PARD6G: variants seen among roughly 807,000 people sequenced by gnomAD.
PARD6G encodes the protein partitioning defective 6 homolog gamma.
PARD6G carries 7 observed loss-of-function variants against 10.7 expected under a neutral mutation model. The ratio of observed to expected loss-of-function variants is 0.66; its 90% CI spans 0.37 to 1.23. The LOEUF is 1.23. Among genes scored for constraint, PARD6G ranks in the 50% most tolerant of loss-of-function variants. The probability of loss-of-function intolerance (pLI) is 0.02; values close to 1 mark genes in which losing one functional copy is unlikely to be tolerated. For synonymous variants in PARD6G, 287 were observed against 269.4 expected (o/e 1.07, Z -0.64); for missense variants, 548 against 571.8 (o/e 0.96, Z 0.42).
At chr18:80,197,108 C>T (rs528504136) in intron 2 of PARD6G, among the ~76,000 whole-genome samples, 39 of 152,198 alleles carry the variant, frequency 2.6e-4, no homozygotes, top group Non-Finnish European at 4.3e-4. Flanking sequence ...AACCTCAAGC[C>T]CCTAGGCGGT....
At chr18:80,226,940 G>T (rs1967299165) in intron 1 of PARD6G, among the ~76,000 whole-genome samples, 1 of 152,148 alleles carries the variant, frequency 6.6e-6, no homozygotes, top group South Asian at 2.1e-4. Context: ...CTGAATTAAT[G>T]AATTAAACCT....
chr18:80,205,968 C>CAGCT (rs1967050297), intron 1 of PARD6G, among the ~76,000 whole-genome samples: 1 of 152,208 alleles, frequency 6.6e-6, no homozygotes, highest in Admixed American at 6.5e-5. Context: ...CAAAGGGATA[C>CAGCT]AGCTCACTTT....
In PARD6G at chr18:80,226,788, T is replaced by C. The variant is rs1020693218; in HGVS notation, c.72+20489A>G. Among the ~76,000 whole-genome samples, 3 of 152,060 alleles carry C rather than the reference T, an allele frequency of 2.0e-5. No individual in the cohort carries two copies. The East Asian group carries it at 5.8e-4, about 29-fold the overall frequency. ...GAAGACCCAGGCATTAATTTATCAG[T>C]CAAAATTTGCTGAGGAGCAGGTCAC... is the stretch of plus-strand genomic sequence containing the variant. On this transcript the variant is annotated intron_variant, in intron 1 of 2. Transcript: ENST00000353265.
rs796125533 is a variant in PARD6G at position 80,184,969 on chromosome 18, C to T, written c.295+17741G>A. 5 of 152,340 alleles carry T rather than the reference C, an allele frequency of 3.3e-5. No homozygotes were observed. In the South Asian group the frequency reaches 8.3e-4, roughly 25 times the overall value. 9.4% of individuals were successfully genotyped at this position (152,340 alleles called of 1,614,324 possible). On this transcript the variant is annotated intron_variant, in intron 2 of 2. Coordinates refer to ENST00000353265, the MANE Select transcript of PARD6G (RefSeq NM_032510.4). This position sits in a 1 kb window ranked among gnomAD's most constrained non-coding sequence, Gnocchi z 4.5. ...AAGCTAAAAAATAAGGTGGCTCCTT[C>T]CAGCTTTGCGGGAACCTAACTGCTA...
rs528734447 is a variant in PARD6G at position 80,160,801 on chromosome 18, T to A, written c.296-195A>T. Among the ~76,000 whole-genome samples, 57 of 152,156 alleles carry A rather than the reference T, an allele frequency of 3.7e-4. No individual in the cohort carries two copies. In the South Asian group the frequency reaches 4.4e-3, roughly 12 times the overall value. ...GCCCCTAAAATTAACTCTCTAGCAC[T>A]CTCCTTACAGCTCCACAGGCACCAA... On this transcript the variant is annotated intron_variant, in intron 2 of 2. Coordinates refer to ENST00000353265, the MANE Select transcript of PARD6G (RefSeq NM_032510.4).
chr18:80,187,850 G>T (rs2052888530), intron 2 of PARD6G: 1 of 152,200 alleles, frequency 6.6e-6, no homozygotes, highest in Non-Finnish European at 1.5e-5. Context: ...CTCACTGGAT[G>T]CCCAGGCTAC....
intron 2 of PARD6G, among the ~76,000 whole-genome samples, chr18:80,168,203 C>G (rs1424414549): frequency 6.6e-6 from 1 of 152,198 alleles, no homozygotes; most frequent in African/African-American, 2.4e-5. Flanking sequence ...CTCAGCCTGT[C>G]TGCAGTGGGA....
At chr18:80,214,004 G>T (rs1227515697) in intron 1 of PARD6G, among the ~76,000 whole-genome samples, 1 of 150,342 alleles carries the variant, frequency 6.7e-6, no homozygotes, top group Non-Finnish European at 1.5e-5. Context: ...CAAAGAAACT[G>T]AAATAAAAAG....
chr18:80,239,231 G>A (rs1967462664), intron 1 of PARD6G, among the ~76,000 whole-genome samples: 1 of 150,370 alleles, frequency 6.7e-6, no homozygotes. Flanking sequence ...GGGGGTCGAA[G>A]GTACCTGATG....
Position 80,160,578 on chromosome 18 carries a change from C to T in PARD6G, c.324G>A (p.Ala108=). 4.8e-6 allele frequency: 7 copies of T among 1,457,748 alleles called. No individual in the cohort carries two copies. Among genetic ancestry groups the T allele is most frequent in the Non-Finnish European group, 3.6e-6 (4 of 1,108,692 alleles). 90.3% of individuals were successfully genotyped at this position (1,457,748 alleles called of 1,614,324 possible). The change falls in exon 3 of 3, where the codon GCG becomes GCA. Residue 108 remains alanine (A), a synonymous_variant. Coordinates refer to ENST00000353265, the MANE Select transcript of PARD6G (RefSeq NM_032510.4). ...REEAERGSLG[A]GSLCRRRRAL... ...CCCGCCTCCGCCTGCACAGCGAGCCCGCGCCGAGGCTGCCACGCTCGGCCT... is the reference window on the plus strand; with the variant it reads ...CCCGCCTCCGCCTGCACAGCGAGCCTGCGCCGAGGCTGCCACGCTCGGCCT...
intron 1 of PARD6G, among the ~76,000 whole-genome samples, chr18:80,245,556 C>T (rs1009585107): frequency 6.6e-6 from 1 of 152,148 alleles, no homozygotes; most frequent in Non-Finnish European, 1.5e-5. Flanking sequence ...ACACGAGATG[C>T]CACCATCAGG....
intron 1 of PARD6G, among the ~76,000 whole-genome samples, chr18:80,220,722 T>A (rs1295862765): frequency 2.6e-5 from 4 of 152,060 alleles, no homozygotes; most frequent in African/African-American, 9.7e-5. Flanking sequence ...GTGATTCTCA[T>A]GCCTCAGCCT....
intron 1 of PARD6G, among the ~76,000 whole-genome samples, chr18:80,205,161 G>A (rs1967043670): frequency 6.6e-6 from 1 of 152,110 alleles, no homozygotes; most frequent in Non-Finnish European, 1.5e-5. Flanking sequence ...TGTCAGAAGT[G>A]CAGAGCAGAG....
intron 2 of PARD6G, among the ~76,000 whole-genome samples, chr18:80,195,115 T>G (rs1966938881): frequency 6.6e-6 from 1 of 152,292 alleles, no homozygotes; most frequent in African/African-American, 2.4e-5. Flanking sequence ...GCCTCCACGC[T>G]TGGCCTCAGT....
rs1188396825 is a variant in PARD6G at position 80,181,075 on chromosome 18, T to C, written c.296-20469A>G. 6.6e-6 allele frequency among the ~76,000 whole-genome samples: 1 copy of C among 152,074 alleles called. No homozygotes were observed. The highest frequency in any genetic ancestry group is 1.9e-4 in the East Asian group (1 of 5,180). On this transcript the variant is annotated intron_variant, in intron 2 of 2. Transcript: ENST00000353265. This position sits in a 1 kb window ranked among gnomAD's most constrained non-coding sequence, Gnocchi z 7.9. ...TCAAAGGTCTGAACCTCACGCGCGA[T>C]CTCGACATTAGAACATGGGCTGCGA...
chr18:80,242,927 A>G (rs1373732508), intron 1 of PARD6G, among the ~76,000 whole-genome samples: 1 of 152,202 alleles, frequency 6.6e-6, no homozygotes, highest in Non-Finnish European at 1.5e-5. Context: ...GGAGAAAGAA[A>G]CAGATGAATG....
Position 80,247,219 on chromosome 18 carries a change from C to A in PARD6G, c.72+58G>T. On this transcript the variant is annotated intron_variant, in intron 1 of 2. Transcript: ENST00000353265. This position sits in a 1 kb window ranked among gnomAD's most constrained non-coding sequence, Gnocchi z 4.2. ...CGCCCCAGTCCCCCTCCGCGGGGCG[C>A]CCCATTCATTAGCCAGGAGACTGGG... The A allele has an allele frequency of 7.1e-7, 1 of 1,401,132 alleles. No homozygotes were observed. Among genetic ancestry groups the A allele is most frequent in the Non-Finnish European group, 9.8e-7 (1 of 1,024,544 alleles). 86.8% of individuals were successfully genotyped at this position (1,401,132 alleles called of 1,614,324 possible). A position where few individuals can be genotyped will look rare whatever the true frequency, so the allele number is the denominator to read the frequency against.
At chr18:80,229,288 T>G (rs1029443242) in intron 1 of PARD6G, among the ~76,000 whole-genome samples, 3 of 152,198 alleles carry the variant, frequency 2.0e-5, no homozygotes, top group Non-Finnish European at 4.4e-5. Context: ...CTTTACAATA[T>G]AGTAAATTTA....
At chr18:80,245,239 C>T (rs1434503242) in intron 1 of PARD6G, among the ~76,000 whole-genome samples, 1 of 152,156 alleles carries the variant, frequency 6.6e-6, no homozygotes, top group African/African-American at 2.4e-5. Flanking sequence ...TCCAGACCTA[C>T]CCTGTGCCTG....
Sources: allele counts gnomAD v4.1 joint callset (sites outside exome capture counted in the v4.1 genomes callset), GRCh38; gene constraint gnomAD v4.1.1; non-coding constraint Gnocchi (gnomAD v3.1); transcripts MANE v1.5; gene names NCBI Gene and HGNC (gene_info 2026-07-23, HGNC 2026-07-21).